TSHZ2: variants seen among roughly 807,000 people sequenced by gnomAD.
TSHZ2 encodes the protein teashirt homolog 2.
In TSHZ2, 21 loss-of-function variants were observed where a neutral mutation model predicts 74.4. The observed-to-expected ratio is 0.28, with a 90% CI of 0.20 to 0.41. The LOEUF (loss-of-function observed/expected upper bound fraction) is 0.41, where lower values mean the gene tolerates loss of function less well. Among genes scored for constraint, TSHZ2 ranks in the 10% least tolerant of loss-of-function variants. The probability of loss-of-function intolerance (pLI) is 1.00; values close to 1 mark genes in which losing one functional copy is unlikely to be tolerated. For missense variants in TSHZ2, 1,244 were observed against 1,293.5 expected (o/e 0.96, Z 0.59); for synonymous variants, 540 against 515.3 (o/e 1.05, Z -0.65).
chr20:53,424,541 A>G (rs946876524), intron 2 of TSHZ2, among the ~76,000 whole-genome samples: 10 of 152,104 alleles, frequency 6.6e-5, no homozygotes, highest in Non-Finnish European at 1.5e-4. Flanking sequence ...TATGGCAGGA[A>G]GAAATATTGA....
chr20:52,996,678 A>T (rs1982207377), intron 1 of TSHZ2, among the ~76,000 whole-genome samples: 2 of 152,138 alleles, frequency 1.3e-5, no homozygotes, highest in Non-Finnish European at 2.9e-5. Context: ...GCTTTAGAGA[A>T]GCCTTTTCTC....
At chr20:53,443,328 A>G (rs796205548) in intron 2 of TSHZ2, among the ~76,000 whole-genome samples, 4 of 152,234 alleles carry the variant, frequency 2.6e-5, no homozygotes, top group African/African-American at 9.6e-5. Flanking sequence ...AAATATTTAG[A>G]AAACATGGGA....
intron 2 of TSHZ2, among the ~76,000 whole-genome samples, chr20:53,364,961 G>A (rs571470944): frequency 5.3e-4 from 81 of 152,348 alleles, no homozygotes; most frequent in Admixed American, 1.6e-3. Context: ...TCCTTGTAAC[G>A]CGTGGAGGCA....
chr20:53,342,771 C>T (rs1474483756), intron 2 of TSHZ2, among the ~76,000 whole-genome samples: 1 of 152,002 alleles, frequency 6.6e-6, no homozygotes, highest in African/African-American at 2.4e-5. Flanking sequence ...GAAATACTTT[C>T]TCCCTATTAA....
chr20:53,188,793 A>G (rs1210281476), intron 1 of TSHZ2, among the ~76,000 whole-genome samples: 2 of 152,200 alleles, frequency 1.3e-5, no homozygotes, highest in African/African-American at 2.4e-5. Flanking sequence ...TAAATTGCCT[A>G]TATATATACG....
chr20:53,213,233 T>C (rs1234939971), intron 1 of TSHZ2, among the ~76,000 whole-genome samples: 3 of 152,190 alleles, frequency 2.0e-5, no homozygotes, highest in African/African-American at 7.2e-5. Context: ...CACTGGAGAT[T>C]ACTGGTTGAA....
At chr20:53,337,510 G>C (rs1190164550) in intron 2 of TSHZ2, among the ~76,000 whole-genome samples, 1 of 152,190 alleles carries the variant, frequency 6.6e-6, no homozygotes, top group Non-Finnish European at 1.5e-5. Flanking sequence ...GCTGGAGCTG[G>C]AGTATGTTGT....
intron 1 of TSHZ2, among the ~76,000 whole-genome samples, chr20:53,205,734 C>T (rs1009468944): frequency 1.4e-4 from 22 of 152,152 alleles, no homozygotes; most frequent in African/African-American, 5.1e-4. Context: ...GAATACTCCT[C>T]CTGCTCCCTC....
intron 2 of TSHZ2, among the ~76,000 whole-genome samples, chr20:53,486,139 A>G (rs1399417268): frequency 6.6e-6 from 1 of 152,232 alleles, no homozygotes; most frequent in African/African-American, 2.4e-5. Flanking sequence ...ATATAGGTAT[A>G]ACCATATAAT....
intron 2 of TSHZ2, chr20:53,455,305 C>T (rs1985014249): frequency 6.6e-6 from 1 of 152,230 alleles, no homozygotes; most frequent in South Asian, 2.1e-4. Context: ...CTTCTCCTCC[C>T]TCTGGAATGC....
chr20:53,253,455 T>C, intron 1 of TSHZ2, 44 bp from the exon 2 acceptor site: 1 of 1,543,528 alleles, frequency 6.5e-7, no homozygotes, highest in Non-Finnish European at 8.7e-7. Context: ...GAATGGAATA[T>C]GGAGCCTGTT....
At chr20:53,386,915 G>GA (rs1458438102) in intron 2 of TSHZ2, among the ~76,000 whole-genome samples, 1 of 151,088 alleles carries the variant, frequency 6.6e-6, no homozygotes, top group Non-Finnish European at 1.5e-5. Context: ...CTTTTGTAAA[G>GA]AAAATCACAT....
chr20:53,417,863 G>A (rs1285018059), intron 2 of TSHZ2, among the ~76,000 whole-genome samples: 2 of 152,150 alleles, frequency 1.3e-5, no homozygotes, highest in Non-Finnish European at 2.9e-5. Context: ...CATAATAAAA[G>A]TAATCACTCA....
chr20:53,061,659 CT>C (rs141418670), intron 1 of TSHZ2, among the ~76,000 whole-genome samples: 93 of 152,272 alleles, frequency 6.1e-4, no homozygotes, highest in Non-Finnish European at 1.1e-3. Context: ...TTTTCCTATT[CT>C]GTTTTTGTGA....
At chr20:53,312,755 TATG>T (rs1478792975) in intron 2 of TSHZ2, among the ~76,000 whole-genome samples, 6 of 152,224 alleles carry the variant, frequency 3.9e-5, no homozygotes, top group Middle Eastern at 3.4e-3. Flanking sequence ...AAAAGGAAAA[TATG>T]ATGACCCTGT....
At chr20:53,334,726 G>A (rs1416748872) in intron 2 of TSHZ2, among the ~76,000 whole-genome samples, 2 of 150,910 alleles carry the variant, frequency 1.3e-5, no homozygotes, top group South Asian at 2.1e-4. Context: ...GCAGAGTCTC[G>A]CTCTGTCGCC....
chr20:52,975,377 C>G (rs970480118), intron 1 of TSHZ2, among the ~76,000 whole-genome samples: 1 of 151,968 alleles, frequency 6.6e-6, no homozygotes, highest in African/African-American at 2.4e-5. Context: ...CAGAATTGCT[C>G]GACTTTGATT....
At chr20:53,479,670 A>C (rs1986092198) in intron 2 of TSHZ2, among the ~76,000 whole-genome samples, 1 of 152,242 alleles carries the variant, frequency 6.6e-6, no homozygotes, top group Non-Finnish European at 1.5e-5. Context: ...AACAGAGTTA[A>C]GTTCTAGCCT....
At chr20:53,251,595 AC>A (rs1990333039) in intron 1 of TSHZ2, among the ~76,000 whole-genome samples, 1 of 152,192 alleles carries the variant, frequency 6.6e-6, no homozygotes, top group African/African-American at 2.4e-5. Context: ...GAGACCAGTA[AC>A]GCCAATTTAA....
Sources: gnomAD v4.1 joint callset for allele counts (sites outside exome capture counted in the v4.1 genomes callset) on GRCh38, gnomAD v4.1.1 for gene constraint, MANE v1.5 for transcripts, NCBI Gene and HGNC (gene_info 2026-07-23, HGNC 2026-07-21) for gene names.